KLF12: variants seen among roughly 807,000 people sequenced by gnomAD.
KLF12 encodes the protein KLF transcription factor 12.
A neutral mutation model predicts 37.8 loss-of-function variants in KLF12; 9 were observed. The ratio of observed to expected loss-of-function variants is 0.24; its 90% CI spans 0.14 to 0.42. The LOEUF is 0.42. KLF12 is among the 10% of genes least tolerant of loss of function. KLF12 has a pLI of 1.00. For synonymous variants in KLF12, 208 were observed against 202.1 expected, an observed-to-expected ratio of 1.03 and a Z score of -0.25; for missense variants, 411 against 516.0, an observed-to-expected ratio of 0.80 and a Z score of 1.97.
intron 1 of KLF12, among the ~76,000 whole-genome samples, chr13:74,071,795 G>C (rs1874269450): frequency 6.6e-6 from 1 of 152,170 alleles, no homozygotes; most frequent in Non-Finnish European, 1.5e-5. Context: ...ACGTTAAAGA[G>C]GCAACCCCAT....
intron 1 of KLF12, among the ~76,000 whole-genome samples, chr13:74,042,290 C>G (rs1035783761): frequency 7.1e-6 from 1 of 140,002 alleles, no homozygotes; most frequent in Non-Finnish European, 1.5e-5. Context: ...GGTGACAAAG[C>G]GAGACTCCAT....
In KLF12 at chr13:74,101,313, A is replaced by G. The variant is rs572827832; in HGVS notation, c.-32+32426T>C. Among the ~76,000 whole-genome samples, 451 of 152,286 alleles carry G rather than the reference A, an allele frequency of 3.0e-3. 3 individuals carry two copies. The highest frequency in any genetic ancestry group is 0.011 in the African/African-American group (437 of 41,554). ...CTTCTTTGAGTTTCCTACTTTGTGT[A>G]ATTCCCATGCGCTTGCACATGAATA... is the stretch of plus-strand genomic sequence containing the variant. On this transcript the variant is annotated intron_variant, in intron 1 of 7. Coordinates refer to ENST00000377669, the MANE Select transcript of KLF12 (RefSeq NM_007249.5).
At chr13:74,150,742 G>A in the KLF12 span, among the ~76,000 whole-genome samples, 2 of 152,136 alleles carry the variant, frequency 1.3e-5, no homozygotes, top group South Asian at 4.1e-4. Flanking sequence ...GTGACAGCAT[G>A]ACCATCAACC....
chr13:74,206,364 C>T, the KLF12 span, among the ~76,000 whole-genome samples: 1 of 152,156 alleles, frequency 6.6e-6, no homozygotes, highest in Non-Finnish European at 1.5e-5. Flanking sequence ...AGGTTATGGA[C>T]TTTTCAAATA....
the KLF12 span, among the ~76,000 whole-genome samples, chr13:74,192,632 C>T: frequency 7.2e-5 from 11 of 152,160 alleles, no homozygotes; most frequent in Non-Finnish European, 1.6e-4. Context: ...TAGTTTGACA[C>T]ACATATTTTG....
At chr13:73,959,817 T>G (rs962680721) in intron 2 of KLF12, among the ~76,000 whole-genome samples, 1 of 152,174 alleles carries the variant, frequency 6.6e-6, no homozygotes, top group East Asian at 1.9e-4. Flanking sequence ...AAAAGGGCAA[T>G]GCATAATAAA....
At chr13:73,727,813 T>C (rs1876774121) in intron 6 of KLF12, among the ~76,000 whole-genome samples, 1 of 152,002 alleles carries the variant, frequency 6.6e-6, no homozygotes, top group Non-Finnish European at 1.5e-5. Context: ...TTCTCCTGCC[T>C]CGGTCTCCTG....
chr13:74,082,384 T>C (rs937089520), intron 1 of KLF12, among the ~76,000 whole-genome samples: 12 of 152,196 alleles, frequency 7.9e-5, no homozygotes, highest in African/African-American at 1.7e-4. Flanking sequence ...TGAGCTTTCA[T>C]AGCTACTCCA....
At chr13:74,199,383 T>A in the KLF12 span, among the ~76,000 whole-genome samples, 2 of 152,172 alleles carry the variant, frequency 1.3e-5, no homozygotes, top group Non-Finnish European at 2.9e-5. Context: ...CGAAATTAGA[T>A]AAAATGTAGG....
chr13:74,060,100 T>G (rs1010446813), intron 1 of KLF12, among the ~76,000 whole-genome samples: 5 of 152,148 alleles, frequency 3.3e-5, no homozygotes, highest in African/African-American at 1.2e-4. Context: ...GGTTCTCTAT[T>G]TTTCTCTATT....
intron 1 of KLF12, among the ~76,000 whole-genome samples, chr13:74,071,647 C>A (rs558926193): frequency 1.3e-5 from 2 of 152,186 alleles, no homozygotes; most frequent in South Asian, 4.1e-4. Context: ...GAGCCAAGAT[C>A]GCACCACTGC....
chr13:74,065,051 G>C (rs534745874), intron 1 of KLF12, among the ~76,000 whole-genome samples: 5 of 152,152 alleles, frequency 3.3e-5, no homozygotes, highest in Non-Finnish European at 5.9e-5. Context: ...CTCTGCTTCT[G>C]ATTCATATAT....
chr13:74,124,384 C>T, intron 1 of KLF12, among the ~76,000 whole-genome samples: 1 of 152,172 alleles, frequency 6.6e-6, no homozygotes, highest in Non-Finnish European at 1.5e-5. Context: ...GTTTTTCCTT[C>T]CATTGTTCTC....
intron 1 of KLF12, among the ~76,000 whole-genome samples, chr13:74,045,397 G>A (rs570067421): frequency 6.6e-6 from 1 of 152,040 alleles, no homozygotes; most frequent in Non-Finnish European, 1.5e-5. Context: ...CAAAATACCC[G>A]ACGAGCACAC....
intron 2 of KLF12, among the ~76,000 whole-genome samples, chr13:73,944,837 C>T (rs1395171446): frequency 6.6e-6 from 1 of 152,152 alleles, no homozygotes; most frequent in African/African-American, 2.4e-5. Flanking sequence ...GGATTTTCTA[C>T]AGTCAGCAAC....
chr13:74,225,916 A>G, the KLF12 span, among the ~76,000 whole-genome samples: 4 of 152,288 alleles, frequency 2.6e-5, no homozygotes, highest in African/African-American at 7.2e-5. Context: ...ACTTTTCTAC[A>G]GTGACAAACC....
chr13:73,897,200 T>A (rs4885129), intron 3 of KLF12, among the ~76,000 whole-genome samples: 111,887 of 151,200 alleles, frequency 0.74, 41,561 homozygotes, highest in East Asian at 0.9. Flanking sequence ...ATGAAAAATT[T>A]AAAAAAAAAT....
chr13:73,880,685 C>G (rs1206708563), intron 3 of KLF12, among the ~76,000 whole-genome samples: 10 of 152,070 alleles, frequency 6.6e-5, no homozygotes, highest in Admixed American at 5.2e-4. Context: ...TTTTAAGGAC[C>G]TATGGGATTT....
the KLF12 span, among the ~76,000 whole-genome samples, chr13:74,178,583 A>G: frequency 6.6e-6 from 1 of 152,224 alleles, no homozygotes; most frequent in African/African-American, 2.4e-5. Flanking sequence ...TTTCAAAAAC[A>G]GAGGGTTTAA....
Sources: allele counts gnomAD v4.1 joint callset (sites outside exome capture counted in the v4.1 genomes callset), GRCh38; gene constraint gnomAD v4.1.1; transcripts MANE v1.5; gene names NCBI Gene and HGNC (gene_info 2026-07-23, HGNC 2026-07-21).